FSTL5: variants seen among roughly 807,000 people sequenced by gnomAD.
FSTL5 encodes the protein follistatin like 5.
Under a neutral mutation model 89.1 loss-of-function variants are expected in FSTL5, and 62 were observed. That is an observed-to-expected ratio of 0.70 (90% CI 0.57 to 0.86). The LOEUF is 0.86. Among genes scored for constraint, FSTL5 ranks in the 40% least tolerant of loss-of-function variants. The pLI is 0.00. For missense variants in FSTL5, 1,057 were observed against 1,001.6 expected (o/e 1.06, Z -0.75); for synonymous variants, 383 against 346.2 (o/e 1.11, Z -1.18).
At chr4:161,908,081 C>T (rs1733587225) in intron 4 of FSTL5, among the ~76,000 whole-genome samples, 1 of 151,798 alleles carries the variant, frequency 6.6e-6, no homozygotes, top group Non-Finnish European at 1.5e-5. Flanking sequence ...TTCAATGTCC[C>T]TGAATATCAG....
chr4:161,669,099 G>A (rs1248527538), intron 6 of FSTL5, among the ~76,000 whole-genome samples: 1 of 123,290 alleles, frequency 8.1e-6, no homozygotes, highest in Non-Finnish European at 1.6e-5. Context: ...GTGACAGAGT[G>A]AGACTCTGTC....
At chr4:161,459,653 A>G (rs1306935148) in intron 13 of FSTL5, among the ~76,000 whole-genome samples, 1 of 152,074 alleles carries the variant, frequency 6.6e-6, no homozygotes, top group East Asian at 1.9e-4. Flanking sequence ...GGTGGGGAGA[A>G]GCTATTTAGA....
chr4:161,519,287 G>T lies in FSTL5; in HGVS notation c.1313-8863C>A, dbSNP rs141128668. 4.2e-3 allele frequency among the ~76,000 whole-genome samples: 645 copies of T among 152,252 alleles called. 11 individuals are homozygous for T. The South Asian group carries it at 0.049, about 12-fold the overall frequency. On this transcript the variant is annotated intron_variant, in intron 10 of 15. Transcript: ENST00000306100. Reference sequence around the variant, plus strand: ...CATGCTTGTAATCCCAGCACTTTGGGAGACCGGGGTGAATGGATCACCAGG... The same window carrying T: ...CATGCTTGTAATCCCAGCACTTTGGTAGACCGGGGTGAATGGATCACCAGG...
chr4:161,663,795 T>G (rs948964084), intron 6 of FSTL5, among the ~76,000 whole-genome samples: 1 of 152,178 alleles, frequency 6.6e-6, no homozygotes, highest in Non-Finnish European at 1.5e-5. Flanking sequence ...CTAGCAGAAG[T>G]TCTCCATGAG....
At chr4:162,046,621 A>T (rs1278391923) in intron 2 of FSTL5, among the ~76,000 whole-genome samples, 1 of 152,154 alleles carries the variant, frequency 6.6e-6, no homozygotes, top group African/African-American at 2.4e-5. Context: ...AGAGCCACAT[A>T]AATTAAATAA....
chr4:161,829,392 T>C (rs928133147), intron 4 of FSTL5, among the ~76,000 whole-genome samples: 14 of 151,474 alleles, frequency 9.2e-5, no homozygotes, highest in Non-Finnish European at 2.1e-4. Flanking sequence ...TAGAAGGAGT[T>C]CTGCTTAAAC....
intron 15 of FSTL5, among the ~76,000 whole-genome samples, chr4:161,447,592 T>C (rs148353849): frequency 6.6e-6 from 1 of 152,240 alleles, no homozygotes; most frequent in African/African-American, 2.4e-5. Context: ...GTTTTTTCTA[T>C]CTAAGCATTT....
At chr4:161,625,720 G>A (rs1029299347) in intron 7 of FSTL5, among the ~76,000 whole-genome samples, 11 of 152,090 alleles carry the variant, frequency 7.2e-5, no homozygotes, top group Non-Finnish European at 7.4e-5. Flanking sequence ...GTTGAAAGCC[G>A]AAACAGGTCA....
rs750915574 is a variant in FSTL5 at position 161,587,592 on chromosome 4, A to G, written c.895-17T>C. 3 of 1,578,278 alleles carry G rather than the reference A, an allele frequency of 1.9e-6. No homozygotes were observed. Among genetic ancestry groups the G allele is most frequent in the Admixed American group, 1.8e-5 (1 of 54,584 alleles). On this transcript the variant is annotated splice_polypyrimidine_tract_variant and intron_variant, in intron 7 of 15. Coordinates refer to ENST00000306100, the MANE Select transcript of FSTL5 (RefSeq NM_020116.5). ...TCCAAAGTCCTATTAAAAATAAAAT[A>G]AAACAAGGTGTTTGCATTTTGAATT...
At chr4:161,992,878 A>G (rs372999796) in intron 3 of FSTL5, among the ~76,000 whole-genome samples, 6 of 15,560 alleles carry the variant, frequency 3.9e-4, no homozygotes, top group African/African-American at 9.4e-4. Flanking sequence ...ATATATATAT[A>G]TATATATATA....
intron 6 of FSTL5, among the ~76,000 whole-genome samples, chr4:161,729,320 A>G (rs987328639): frequency 1.3e-5 from 2 of 152,152 alleles, no homozygotes; most frequent in African/African-American, 4.8e-5. Context: ...CCCATAAAAT[A>G]AATGTTCTAC....
chr4:161,971,159 T>C (rs1295217219), intron 3 of FSTL5, among the ~76,000 whole-genome samples: 1 of 152,150 alleles, frequency 6.6e-6, no homozygotes, highest in African/African-American at 2.4e-5. Flanking sequence ...AAATGACAGA[T>C]TGAAGATTTC....
At chr4:161,923,619 A>G (rs1371878) in intron 3 of FSTL5, among the ~76,000 whole-genome samples, 96,061 of 151,502 alleles carry the variant, frequency 0.63, 30,540 homozygotes, top group Middle Eastern at 0.72. Flanking sequence ...TTGAAGAATG[A>G]GCTAATGTTT....
intron 7 of FSTL5, among the ~76,000 whole-genome samples, chr4:161,610,966 A>C (rs1383348470): frequency 6.6e-6 from 1 of 151,714 alleles, no homozygotes; most frequent in Non-Finnish European, 1.5e-5. Flanking sequence ...TGGCCACCAC[A>C]ATTAAATCTT....
At chr4:161,968,078 T>G (rs978193763) in intron 3 of FSTL5, among the ~76,000 whole-genome samples, 3 of 152,044 alleles carry the variant, frequency 2.0e-5, no homozygotes. Context: ...TTGGTGTATT[T>G]CTGACTTTGT....
intron 8 of FSTL5, among the ~76,000 whole-genome samples, chr4:161,547,441 C>A (rs191637929): frequency 6.6e-6 from 1 of 151,972 alleles, no homozygotes; most frequent in African/African-American, 2.4e-5. Flanking sequence ...AAATCCCCAG[C>A]TTCTTTTTAT....
intron 4 of FSTL5, among the ~76,000 whole-genome samples, chr4:161,808,376 G>A (rs915118806): frequency 6.6e-6 from 1 of 152,048 alleles, no homozygotes; most frequent in African/African-American, 2.4e-5. Context: ...TCCCTGTACA[G>A]ATAAGTGTAC....
At chr4:161,590,953 T>C (rs1268745069) in intron 7 of FSTL5, among the ~76,000 whole-genome samples, 1 of 152,338 alleles carries the variant, frequency 6.6e-6, no homozygotes, top group East Asian at 1.9e-4. Context: ...CTGTATACTA[T>C]TGTATGCAAA....
intron 3 of FSTL5, among the ~76,000 whole-genome samples, chr4:161,982,847 G>A (rs1345951685): frequency 1.3e-5 from 2 of 152,118 alleles, no homozygotes; most frequent in Admixed American, 6.6e-5. Context: ...TCGAAGTTAA[G>A]ATTTTGATAA....
Sources: allele counts gnomAD v4.1 joint callset (sites outside exome capture counted in the v4.1 genomes callset), GRCh38; gene constraint gnomAD v4.1.1; transcripts MANE v1.5; gene names NCBI Gene and HGNC (gene_info 2026-07-23, HGNC 2026-07-21).